PLS1: variants seen among roughly 807,000 people sequenced by gnomAD.
PLS1 encodes plastin-1.
PLS1 carries 32 observed loss-of-function variants against 73.7 expected under a neutral mutation model. The ratio of observed to expected loss-of-function variants is 0.43; its 90% CI spans 0.33 to 0.58. The LOEUF (loss-of-function observed/expected upper bound fraction) is 0.58, where lower values mean the gene tolerates loss of function less well. Ranked by LOEUF, PLS1 falls within the 20% of genes least tolerant of loss-of-function variation. The pLI is 0.04. For synonymous variants in PLS1, 217 were observed against 261.3 expected (o/e 0.83, Z 1.63); for missense variants, 633 against 740.5 (o/e 0.85, Z 1.68).
intron 1 of PLS1, among the ~76,000 whole-genome samples, chr3:142,613,340 T>C (rs976199909): frequency 7.9e-5 from 12 of 151,834 alleles, no homozygotes; most frequent in African/African-American, 2.9e-4. Flanking sequence ...ATTAGCCAGC[T>C]GTGGTGGCTC....
intron 14 of PLS1, among the ~76,000 whole-genome samples, chr3:142,704,890 C>T (rs1000620007): frequency 6.0e-5 from 9 of 150,794 alleles, no homozygotes; most frequent in African/African-American, 1.9e-4. Context: ...GCTCTCCTGA[C>T]CTCGTGATCC....
At chr3:142,653,334 C>G (rs1367598249) in intron 1 of PLS1, among the ~76,000 whole-genome samples, 1 of 151,188 alleles carries the variant, frequency 6.6e-6, no homozygotes, top group African/African-American at 2.4e-5. Context: ...CTATATGATA[C>G]AATTGTCTTG....
intron 1 of PLS1, among the ~76,000 whole-genome samples, chr3:142,635,189 A>G (rs1044030592): frequency 6.6e-6 from 1 of 152,176 alleles, no homozygotes; most frequent in Admixed American, 6.5e-5. Flanking sequence ...GCTAAAAATG[A>G]CAGAGAATTA....
At chr3:142,650,733 A>C (rs2037068874) in intron 1 of PLS1, among the ~76,000 whole-genome samples, 1 of 152,208 alleles carries the variant, frequency 6.6e-6, no homozygotes, top group South Asian at 2.1e-4. Context: ...GAGAAAATAA[A>C]ACATGTTGAG....
chr3:142,649,374 G>A (rs950039608), intron 1 of PLS1, among the ~76,000 whole-genome samples: 7 of 147,618 alleles, frequency 4.7e-5, no homozygotes, highest in African/African-American at 1.5e-4. Flanking sequence ...GGTGGCTCAC[G>A]CCTGTAATCC....
chr3:142,701,568 T>C (rs1456644032), intron 12 of PLS1, among the ~76,000 whole-genome samples: 2 of 152,230 alleles, frequency 1.3e-5, no homozygotes, highest in East Asian at 3.9e-4. Flanking sequence ...GGTACCTCTC[T>C]AGATCTCTTA....
At chr3:142,633,570 C>T (rs543179536) in intron 1 of PLS1, among the ~76,000 whole-genome samples, 1 of 152,200 alleles carries the variant, frequency 6.6e-6, no homozygotes, top group East Asian at 1.9e-4. Flanking sequence ...GCAAGAGAAT[C>T]ACTTGAACCT....
At chr3:142,625,977 A>AAATGAATG (rs1174391653) in intron 1 of PLS1, among the ~76,000 whole-genome samples, 4 of 152,324 alleles carry the variant, frequency 2.6e-5, no homozygotes, top group African/African-American at 9.6e-5. Context: ...CTGTCTCAAA[A>AAATGAATG]AATGAATGAA....
intron 11 of PLS1, 147 bp downstream of exon 11, chr3:142,694,694 C>A: frequency 1.9e-6 from 1 of 538,742 alleles, no homozygotes. Context: ...ATTGGCAATA[C>A]AATGGATTTT....
At chr3:142,657,594 A>G (rs530018000) in intron 1 of PLS1, among the ~76,000 whole-genome samples, 2 of 152,218 alleles carry the variant, frequency 1.3e-5, no homozygotes, top group Admixed American at 1.3e-4. Context: ...GGTTCAAGCA[A>G]TTCTCCTGCC....
chr3:142,618,041 C>A (rs1403383366), intron 1 of PLS1, among the ~76,000 whole-genome samples: 2 of 152,212 alleles, frequency 1.3e-5, no homozygotes, highest in Admixed American at 6.5e-5. Flanking sequence ...TTTCAGTAAT[C>A]TCTGGGGCCC....
intron 1 of PLS1, among the ~76,000 whole-genome samples, chr3:142,616,487 G>A (rs1192122748): frequency 6.6e-6 from 1 of 152,036 alleles, no homozygotes; most frequent in Admixed American, 6.5e-5. Flanking sequence ...TTTTCTAGTT[G>A]TGACCCCAAC....
intron 14 of PLS1, among the ~76,000 whole-genome samples, chr3:142,708,271 G>C (rs553189532): frequency 7.5e-4 from 114 of 152,214 alleles, no homozygotes; most frequent in African/African-American, 2.5e-3. Context: ...TTTTGAGACT[G>C]AGTCTTGCTC....
chr3:142,695,750 A>G (rs2038180963), intron 11 of PLS1, among the ~76,000 whole-genome samples: 2 of 148,368 alleles, frequency 1.3e-5, no homozygotes, highest in Admixed American at 1.4e-4. Context: ...AGAGAATAGT[A>G]AGGAGACTTA....
rs958978164 is a variant in PLS1 at position 142,711,577 on chromosome 3, T to C, written c.1706T>C (p.Met569Thr). The change falls in exon 15 of 16, where the codon ATG (methionine) becomes ACG (threonine). Residue 569 changes from methionine to threonine, a missense_variant. Coordinates refer to ENST00000457734, the MANE Select transcript of PLS1 (RefSeq NM_001145319.2). ...GCACCAAATGCAGTTCGTCAAGAAATGATCAGGAGAGAAAACTTATCTGAT... is the reference window on the plus strand; with the variant it reads ...GCACCAAATGCAGTTCGTCAAGAAACGATCAGGAGAGAAAACTTATCTGAT... ...AIAPNAVRQE[M>T]IRRENLSDED... 2.5e-6 allele frequency: 4 copies of C among 1,608,374 alleles called. No homozygotes were observed. The highest frequency in any genetic ancestry group is 3.4e-6 in the Non-Finnish European group (4 of 1,175,700).
At chr3:142,635,382 A>C (rs764690118) in intron 1 of PLS1, among the ~76,000 whole-genome samples, 3 of 151,946 alleles carry the variant, frequency 2.0e-5, no homozygotes, top group Non-Finnish European at 4.4e-5. Context: ...ATCTCAATTA[A>C]AAAGTAGAGA....
chr3:142,676,061 A>C, intron 4 of PLS1, 96 bp from the exon 5 acceptor site: 1 of 897,728 alleles, frequency 1.1e-6, no homozygotes, highest in Non-Finnish European at 1.7e-6. Context: ...GCAGAAATTA[A>C]CAAGTATGTT....
rs535867924 is a variant in PLS1, at chr3:142,613,105, C to T, written c.-37+16596C>T. 3.3e-5 allele frequency among the ~76,000 whole-genome samples: 5 copies of T among 152,140 alleles called. No homozygotes were observed. The East Asian group carries it at 9.7e-4, about 29-fold the overall frequency. On this transcript the variant is annotated intron_variant, in intron 1 of 15. Transcript: ENST00000457734. ...TTTATGTTGAACCAGGAGAAAAGGA[C>T]TAAAGAATCTATTCTCATCCTGGAA...
At chr3:142,678,662 C>T (rs1577880655) in intron 6 of PLS1, among the ~76,000 whole-genome samples, 2 of 151,062 alleles carry the variant, frequency 1.3e-5, no homozygotes, top group Admixed American at 1.3e-4. Flanking sequence ...TTTCTTAATC[C>T]AGTCTATCAT....
Sources: gnomAD v4.1 joint callset for allele counts (sites outside exome capture counted in the v4.1 genomes callset) on GRCh38, gnomAD v4.1.1 for gene constraint, MANE v1.5 for transcripts, NCBI Gene and HGNC (gene_info 2026-07-23, HGNC 2026-07-21) for gene names.